The following HHAT variants were observed in gnomAD, a reference collection of about 807,000 sequenced individuals.
HHAT encodes the protein protein-cysteine N-palmitoyltransferase HHAT.
Under a neutral mutation model 70.8 loss-of-function variants are expected in HHAT, and 47 were observed. That is an observed-to-expected ratio of 0.66 (90% confidence interval 0.53 to 0.85). The LOEUF is 0.85. Ranked by LOEUF, HHAT falls within the 40% of genes least tolerant of loss-of-function variation. The pLI, the probability that HHAT is intolerant of heterozygous loss-of-function variation, is 0.00. For missense variants in HHAT, 609 were observed against 604.8 expected, an observed-to-expected ratio of 1.01 and a Z score of -0.07; for synonymous variants, 228 against 247.6, an observed-to-expected ratio of 0.92 and a Z score of 0.74.
chr1:210,519,925 A>G (rs1021827914), intron 9 of HHAT, among the ~76,000 whole-genome samples: 1 of 148,162 alleles, frequency 6.7e-6, no homozygotes, highest in Non-Finnish European at 1.5e-5. Flanking sequence ...ATGATGGGTG[A>G]TGTTGAGTAT....
At position 210,400,538 on chromosome 1, in the gene HHAT, C is replaced by A. The variant is rs1046862949; in HGVS notation, c.344C>A (p.Ala115Asp). 3.2e-5 allele frequency: 51 copies of A among 1,613,956 alleles called. No homozygotes were observed. Among genetic ancestry groups the A allele is most frequent in the Non-Finnish European group, 4.0e-5 (47 of 1,180,028 alleles). Reference sequence around the variant, plus strand: ...TGTGTGCTGGGGACCCCTGGTGTGGCTATGGTTTTGCTCCATACCACCATC... The same window carrying A: ...TGTGTGCTGGGGACCCCTGGTGTGGATATGGTTTTGCTCCATACCACCATC... ...CWCVLGTPGV[A>D]MVLLHTTISF... Residue 115 changes from alanine (A) to aspartate (D), a missense_variant, in exon 5 of 12, where the codon GCT (alanine) becomes GAT (aspartate). Physicochemically the swap from Ala to Asp is moderately radical, Grantham distance 126. Coordinates refer to ENST00000261458, the MANE Select transcript of HHAT (RefSeq NM_018194.6).
chr1:210,500,529 G>T (rs2094732834), intron 8 of HHAT, among the ~76,000 whole-genome samples: 1 of 152,138 alleles, frequency 6.6e-6, no homozygotes, highest in Non-Finnish European at 1.5e-5. Context: ...ATAAGCAGAT[G>T]CTGAATCCGC....
chr1:210,365,531 T>C (rs1301935606), intron 3 of HHAT, among the ~76,000 whole-genome samples: 2 of 152,096 alleles, frequency 1.3e-5, no homozygotes, highest in Middle Eastern at 3.2e-3. Context: ...TTAGCCATGC[T>C]GGTCTCAAAC....
intron 10 of HHAT, among the ~76,000 whole-genome samples, chr1:210,622,721 A>T (rs1669085906): frequency 6.6e-6 from 1 of 152,072 alleles, no homozygotes; most frequent in Admixed American, 6.5e-5. Flanking sequence ...GCTCACACTC[A>T]TTGTCCTACA....
intron 8 of HHAT, among the ~76,000 whole-genome samples, chr1:210,491,170 C>T (rs1429087424): frequency 1.6e-5 from 2 of 128,886 alleles, no homozygotes; most frequent in East Asian, 2.0e-4. Flanking sequence ...AGACCCTAGT[C>T]GGTGTGGTTC....
chr1:210,511,988 C>T (rs932649604), intron 8 of HHAT, among the ~76,000 whole-genome samples: 1 of 151,972 alleles, frequency 6.6e-6, no homozygotes, highest in Non-Finnish European at 1.5e-5. Flanking sequence ...AGGGCACTGG[C>T]TACATGATCA....
At chr1:210,631,014 T>G (rs981622588) in intron 11 of HHAT, 2 of 452,040 alleles carry the variant, frequency 4.4e-6, no homozygotes, top group Non-Finnish European at 8.9e-6. Context: ...ATTTTTATTT[T>G]TTTTACTCAA....
intron 6 of HHAT, among the ~76,000 whole-genome samples, chr1:210,415,849 G>T (rs2092704589): frequency 6.6e-6 from 1 of 152,028 alleles, no homozygotes; most frequent in Admixed American, 6.6e-5. Context: ...AATAGAGACA[G>T]GGTTTCACCA....
intron 9 of HHAT, among the ~76,000 whole-genome samples, chr1:210,550,178 C>T (rs1303282943): frequency 1.3e-5 from 2 of 149,460 alleles, no homozygotes; most frequent in East Asian, 2.2e-4. Context: ...ATTCCAGCCA[C>T]ACAGACTTCT....
Position 210,511,641 on chromosome 1 carries a change from A to G in HHAT, c.1008-1512A>G, listed in dbSNP as rs114107506. Among the ~76,000 whole-genome samples the G allele has an allele frequency of 8.8e-3, 1,336 of 152,132 alleles. 24 individuals carry two copies. The highest frequency in any genetic ancestry group is 0.03 in the African/African-American group (1,242 of 41,510). The stretch of plus-strand genomic sequence containing the variant: ...ATTACCTCTTGTCTGAAAGGGACAG[A>G]ATTAACTCAGGCCCTACTCAGTCAG... On this transcript the variant is annotated intron_variant, in intron 8 of 11. Coordinates refer to ENST00000261458, the MANE Select transcript of HHAT (RefSeq NM_018194.6).
intron 8 of HHAT, among the ~76,000 whole-genome samples, chr1:210,472,167 A>T (rs2094216260): frequency 6.6e-6 from 1 of 152,210 alleles, no homozygotes; most frequent in Non-Finnish European, 1.5e-5. Flanking sequence ...ACACACACTC[A>T]AGTATAATTT....
chr1:210,439,190 T>C (rs2093447811), intron 7 of HHAT, among the ~76,000 whole-genome samples: 1 of 151,888 alleles, frequency 6.6e-6, no homozygotes, highest in South Asian at 2.1e-4. Flanking sequence ...GAGACGCTTG[T>C]GCTCCCCTCA....
At chr1:210,597,400 T>C (rs1249909068) in intron 10 of HHAT, among the ~76,000 whole-genome samples, 1 of 152,168 alleles carries the variant, frequency 6.6e-6, no homozygotes, top group Non-Finnish European at 1.5e-5. Context: ...GCCAGACTTG[T>C]ATCCTTCCCT....
At chr1:210,506,177 G>A (rs1176845638) in intron 8 of HHAT, among the ~76,000 whole-genome samples, 1 of 152,174 alleles carries the variant, frequency 6.6e-6, no homozygotes, top group Non-Finnish European at 1.5e-5. Flanking sequence ...GCACTGTGAG[G>A]CTCTAATGAG....
At chr1:210,374,777 T>C (rs1015293322) in intron 3 of HHAT, among the ~76,000 whole-genome samples, 8 of 152,008 alleles carry the variant, frequency 5.3e-5, no homozygotes, top group African/African-American at 1.9e-4. Flanking sequence ...TTTTTTTTTT[T>C]TTTAATCCCT....
chr1:210,656,231 C>A (rs868000672), intron 11 of HHAT, among the ~76,000 whole-genome samples: 3 of 152,144 alleles, frequency 2.0e-5, no homozygotes. Flanking sequence ...ATCTTCATGT[C>A]CCCATGTGGA....
At chr1:210,623,757 G>A (rs1669332515) in intron 11 of HHAT, 87 bp downstream of exon 11, 2 of 1,374,888 alleles carry the variant, frequency 1.5e-6, no homozygotes, top group African/African-American at 1.4e-5. Context: ...ATGGGATTTG[G>A]GGGAAGTCAT....
chr1:210,362,979 A>T, intron 3 of HHAT, 60 bp downstream of exon 3: 2 of 1,330,920 alleles, frequency 1.5e-6, no homozygotes, highest in Non-Finnish European at 2.2e-6. Flanking sequence ...ATTTCACATC[A>T]CATTTGTATT....
intron 9 of HHAT, among the ~76,000 whole-genome samples, chr1:210,557,962 G>T (rs938717741): frequency 6.6e-6 from 1 of 152,072 alleles, no homozygotes; most frequent in Non-Finnish European, 1.5e-5. Context: ...TTTCCTAGAG[G>T]GTCAGAAGAG....
Sources: gnomAD v4.1 joint callset for allele counts (sites outside exome capture counted in the v4.1 genomes callset) on GRCh38, gnomAD v4.1.1 for gene constraint, MANE v1.5 for transcripts, NCBI Gene and HGNC (gene_info 2026-07-23, HGNC 2026-07-21) for gene names.